Variants in CDH13 observed in about 807,000 individuals in gnomAD.
CDH13 encodes the protein cadherin 13.
Under a neutral mutation model 63.8 loss-of-function variants are expected in CDH13, and 24 were observed. That is an observed-to-expected ratio of 0.38 (90% CI 0.27 to 0.53). The LOEUF (loss-of-function observed/expected upper bound fraction) is 0.53, where lower values mean the gene tolerates loss of function less well. CDH13 is among the 20% of genes least tolerant of loss of function. CDH13 has a pLI of 0.85. For missense variants in CDH13, 1,049 were observed against 903.1 expected (o/e 1.16, Z -2.07); for synonymous variants, 503 against 355.3 (o/e 1.42, Z -4.67).
At chr16:82,925,847 T>C (rs960147369) in intron 2 of CDH13, 1 of 151,516 alleles carries the variant, frequency 6.6e-6, no homozygotes, top group African/African-American at 2.4e-5. Context: ...CTTGCCTTAC[T>C]TTTTTTTTGT....
At position 83,800,400 on chromosome 16, in the gene CDH13, C is replaced by G. The variant is rs1039018620; in HGVS notation, c.*5370C>G. ...CCTGATGACAAAATTTTATGTATCCCCCCAGATAAAAATTTTAAGAAATTT... is the reference window on the plus strand; with the variant it reads ...CCTGATGACAAAATTTTATGTATCCGCCCAGATAAAAATTTTAAGAAATTT... On this transcript the variant is annotated 3_prime_UTR_variant, in exon 14 of 14. Transcript: ENST00000567109. 6.6e-6 allele frequency: 1 copy of G among 152,110 alleles called. No homozygotes were observed. Among genetic ancestry groups the G allele is most frequent in the Non-Finnish European group, 1.5e-5 (1 of 68,032 alleles). The allele number at this position is 152,110 out of a possible 1,614,324, so 9.4% of individuals were successfully genotyped here.
intron 6 of CDH13, among the ~76,000 whole-genome samples, chr16:83,351,510 A>C (rs930170447): frequency 6.6e-6 from 1 of 151,948 alleles, no homozygotes; most frequent in African/African-American, 2.4e-5. Flanking sequence ...TTTTCCGTAA[A>C]TCTCTCTCTT....
chr16:82,880,288 C>T (rs1039201305), intron 2 of CDH13, among the ~76,000 whole-genome samples: 1 of 152,120 alleles, frequency 6.6e-6, no homozygotes, highest in Non-Finnish European at 1.5e-5. Context: ...TTTCAGCAAG[C>T]TACGTGGATG....
Position 83,019,330 on chromosome 16 carries a change from C to G in CDH13, c.158-12680C>G, listed in dbSNP as rs140690586. ...ACACATACATTTGCCTAGGCCTACACAAGGTCAGAATCATGAATATCACTG... is the reference window on the plus strand; with the variant it reads ...ACACATACATTTGCCTAGGCCTACAGAAGGTCAGAATCATGAATATCACTG... On this transcript the variant is annotated intron_variant, in intron 2 of 13. Transcript: ENST00000567109. 5.7e-3 allele frequency among the ~76,000 whole-genome samples: 868 copies of G among 152,124 alleles called. 8 individuals carry two copies. Among genetic ancestry groups the G allele is most frequent in the Non-Finnish European group, 8.6e-3 (584 of 68,002 alleles).
chr16:83,287,956 G>A (rs542492188), intron 5 of CDH13, among the ~76,000 whole-genome samples: 2 of 152,180 alleles, frequency 1.3e-5, no homozygotes, highest in South Asian at 4.2e-4. Flanking sequence ...TCCATAATGA[G>A]CAAAATATGA....
chr16:83,444,907 A>G (rs1266716087), intron 6 of CDH13, among the ~76,000 whole-genome samples: 2 of 63,446 alleles, frequency 3.2e-5, no homozygotes, highest in Non-Finnish European at 7.9e-5. Flanking sequence ...GAAGACTCCA[A>G]AAATGGACCA....
chr16:83,001,542 T>C (rs1174724646), intron 2 of CDH13, among the ~76,000 whole-genome samples: 1 of 152,236 alleles, frequency 6.6e-6, no homozygotes, highest in Non-Finnish European at 1.5e-5. Context: ...GCCACTTTCA[T>C]TTTAATTTAA....
At chr16:83,288,190 G>C (rs2089370844) in intron 5 of CDH13, among the ~76,000 whole-genome samples, 1 of 152,162 alleles carries the variant, frequency 6.6e-6, no homozygotes. Flanking sequence ...AGATGGTGCA[G>C]AAAGCAAGCT....
chr16:82,697,787 G>GTGTGTGTT (rs1302221385), intron 1 of CDH13, among the ~76,000 whole-genome samples: 18 of 106,306 alleles, frequency 1.7e-4, no homozygotes, highest in African/African-American at 7.4e-4. Context: ...GTGTGTGTGT[G>GTGTGTGTT]TAAGTTTTTT....
intron 2 of CDH13, among the ~76,000 whole-genome samples, chr16:83,031,267 T>C (rs552553150): frequency 6.2e-5 from 9 of 145,904 alleles, no homozygotes; most frequent in African/African-American, 2.3e-4. Context: ...ACCATATACA[T>C]GCGCATGTAT....
chr16:82,861,658 T>G (rs997210910), intron 2 of CDH13, among the ~76,000 whole-genome samples: 22 of 152,246 alleles, frequency 1.4e-4, no homozygotes, highest in Non-Finnish European at 2.9e-4. Flanking sequence ...TCCCTAATAT[T>G]TTATTCACTG....
chr16:83,358,488 T>G (rs549631461), intron 6 of CDH13, among the ~76,000 whole-genome samples: 1 of 152,216 alleles, frequency 6.6e-6, no homozygotes, highest in Non-Finnish European at 1.5e-5. Context: ...CTCTCCAGAA[T>G]TATTTTACAT....
intron 8 of CDH13, among the ~76,000 whole-genome samples, chr16:83,628,581 C>T (rs1342655864): frequency 6.6e-6 from 1 of 152,148 alleles, no homozygotes; most frequent in Non-Finnish European, 1.5e-5. Flanking sequence ...AGGCAATTGC[C>T]CTTGATGCTA....
intron 10 of CDH13, among the ~76,000 whole-genome samples, chr16:83,739,552 C>A (rs1032749243): frequency 6.6e-6 from 1 of 152,108 alleles, no homozygotes; most frequent in African/African-American, 2.4e-5. Context: ...TCTTCGGGAC[C>A]CCCAGCACAC....
At chr16:83,528,731 G>A (rs149288787) in intron 7 of CDH13, among the ~76,000 whole-genome samples, 170 of 152,258 alleles carry the variant, frequency 1.1e-3, no homozygotes, top group African/African-American at 3.8e-3. Flanking sequence ...ACTAAGCACT[G>A]AAAAAGAGTT....
chr16:82,692,003 C>T (rs893349010), intron 1 of CDH13, among the ~76,000 whole-genome samples: 1 of 152,144 alleles, frequency 6.6e-6, no homozygotes, highest in African/African-American at 2.4e-5. Context: ...GTCTATCTTC[C>T]CTTCAATTAT....
chr16:82,719,573 C>T (rs903988872), intron 1 of CDH13: 27 of 385,466 alleles, frequency 7.0e-5, no homozygotes, highest in South Asian at 4.1e-4. Context: ...AGGATGGGCG[C>T]AGTGGCTTGT....
At chr16:83,573,752 T>C (rs1904856885) in intron 7 of CDH13, among the ~76,000 whole-genome samples, 1 of 152,250 alleles carries the variant, frequency 6.6e-6, no homozygotes, top group Non-Finnish European at 1.5e-5. Flanking sequence ...CAGTAGATTC[T>C]TTAATGGCAA....
chr16:83,199,067 T>C (rs1321784375), intron 4 of CDH13, among the ~76,000 whole-genome samples: 1 of 152,224 alleles, frequency 6.6e-6, no homozygotes, highest in Non-Finnish European at 1.5e-5. Flanking sequence ...AGGGGTGTTA[T>C]GGCAGCTTAC....
Sources: allele counts gnomAD v4.1 joint callset (sites outside exome capture counted in the v4.1 genomes callset), GRCh38; gene constraint gnomAD v4.1.1; transcripts MANE v1.5; gene names NCBI Gene and HGNC (gene_info 2026-07-23, HGNC 2026-07-21).